INSL6: variants seen among roughly 807,000 people sequenced by gnomAD.
INSL6 encodes the protein insulin-like peptide INSL6.
INSL6 carries 16 observed loss-of-function variants against 9.4 expected under a neutral mutation model. The observed-to-expected ratio is 1.70, with a 90% CI of 1.15 to 2.59. The LOEUF is 2.59. Ranked by LOEUF, INSL6 falls within the 30% of genes most tolerant of loss-of-function variation. The pLI is 0.00. For synonymous variants in INSL6, 154 were observed against 96.9 expected (o/e 1.59, Z -3.46); for missense variants, 391 against 257.3 (o/e 1.52, Z -3.56).
the INSL6 span, chr9:5,085,301 T>C: frequency 1.1e-5 from 8 of 727,864 alleles, no homozygotes; most frequent in South Asian, 1.1e-4. Flanking sequence ...GAACATGAGG[T>C]GAAGTCGAAT....
chr9:5,131,902 A>C (rs1824299638), intron 3 of INSL6: 1 of 152,160 alleles, frequency 6.6e-6, no homozygotes, highest in Non-Finnish European at 1.5e-5. Flanking sequence ...ATTTCCCACA[A>C]ATTCTGCCAG....
At chr9:5,137,766 T>C (rs200157931) in intron 2 of INSL6, among the ~76,000 whole-genome samples, 5 of 152,112 alleles carry the variant, frequency 3.3e-5, no homozygotes, top group South Asian at 2.1e-4. Context: ...AGAGCTTCTG[T>C]ACAGCAAAAG....
chr9:5,040,249 C>T, the INSL6 span, among the ~76,000 whole-genome samples: 65 of 150,994 alleles, frequency 4.3e-4, no homozygotes, highest in African/African-American at 1.6e-3. Context: ...TGGATATCCA[C>T]ATGTAAACTA....
At chr9:5,048,498 T>A in the INSL6 span, among the ~76,000 whole-genome samples, 1 of 152,144 alleles carries the variant, frequency 6.6e-6, no homozygotes, top group Non-Finnish European at 1.5e-5. Context: ...TACCAAGTCA[T>A]TGATCATCTT....
At chr9:5,041,616 A>G in the INSL6 span, 3 of 496,036 alleles carry the variant, frequency 6.0e-6, no homozygotes, top group Admixed American at 4.8e-5. Context: ...CTGTGACTAC[A>G]TGCGGCGCCT....
chr9:5,175,290 C>T (rs1274052965), intron 1 of INSL6, among the ~76,000 whole-genome samples: 2 of 152,062 alleles, frequency 1.3e-5, no homozygotes, highest in African/African-American at 4.8e-5. Flanking sequence ...AAATATGGCC[C>T]GTGTATAACT....
At chr9:5,133,164 G>T (rs1824323972) in intron 3 of INSL6, among the ~76,000 whole-genome samples, 1 of 150,464 alleles carries the variant, frequency 6.6e-6, no homozygotes, top group South Asian at 2.1e-4. Context: ...TGATATTAGA[G>T]TGTCATGGTA....
the INSL6 span, chr9:5,112,465 C>G: frequency 5.5e-6 from 3 of 543,486 alleles, no homozygotes; most frequent in South Asian, 4.7e-5. Flanking sequence ...GAAGGACCCC[C>G]GGGACCGGAC....
At chr9:5,070,522 A>G in the INSL6 span, among the ~76,000 whole-genome samples, 1 of 152,100 alleles carries the variant, frequency 6.6e-6, no homozygotes, top group Admixed American at 6.6e-5. Flanking sequence ...CTCTATATAC[A>G]TGGGTTTTGC....
At chr9:5,079,876 G>A in the INSL6 span, among the ~76,000 whole-genome samples, 2 of 152,056 alleles carry the variant, frequency 1.3e-5, no homozygotes, top group African/African-American at 4.8e-5. Context: ...TGAGAAAATG[G>A]TATGCCAGTT....
chr9:5,025,216 T>C, the INSL6 span, among the ~76,000 whole-genome samples: 2 of 152,218 alleles, frequency 1.3e-5, no homozygotes, highest in African/African-American at 2.4e-5. Context: ...TGTTACTCTT[T>C]TACTTTTCTA....
At chr9:5,155,468 A>C (rs1291889398) in intron 2 of INSL6, among the ~76,000 whole-genome samples, 1 of 151,750 alleles carries the variant, frequency 6.6e-6, no homozygotes, top group African/African-American at 2.4e-5. Flanking sequence ...TAAAACTTAA[A>C]GTATAATTTA....
At chr9:5,035,228 G>C in the INSL6 span, among the ~76,000 whole-genome samples, 1 of 152,194 alleles carries the variant, frequency 6.6e-6, no homozygotes, top group Non-Finnish European at 1.5e-5. Context: ...CTCTGAAATT[G>C]AGGCAATAAT....
At chr9:5,116,588 T>C in the INSL6 span, among the ~76,000 whole-genome samples, 1 of 152,184 alleles carries the variant, frequency 6.6e-6, no homozygotes, top group East Asian at 1.9e-4. Context: ...TCAAAAAATA[T>C]TAGTTATATG....
At chr9:5,166,798 C>T (rs900392639) in intron 1 of INSL6, among the ~76,000 whole-genome samples, 1 of 152,150 alleles carries the variant, frequency 6.6e-6, no homozygotes, top group East Asian at 1.9e-4. Flanking sequence ...TTTTATGAAG[C>T]TGGCATAATC....
the INSL6 span, among the ~76,000 whole-genome samples, chr9:5,103,033 C>G: frequency 1.4e-4 from 21 of 151,760 alleles, no homozygotes; most frequent in Admixed American, 6.6e-5. Context: ...GGTTCAAATT[C>G]ACACATAACA....
intron 1 of INSL6, among the ~76,000 whole-genome samples, chr9:5,172,847 G>A (rs1246764438): frequency 6.6e-6 from 1 of 151,878 alleles, no homozygotes; most frequent in African/African-American, 2.4e-5. Context: ...AGAATTGCTT[G>A]AACCCAGGAG....
downstream of INSL6, among the ~76,000 whole-genome samples, chr9:5,120,729 GGAGACT>G (rs1400643814): frequency 6.6e-6 from 1 of 152,142 alleles, no homozygotes; most frequent in African/African-American, 2.4e-5. Flanking sequence ...CAATGGGTTA[GGAGACT>G]GATTGGAGAT....
the INSL6 span, chr9:5,029,743 T>C: frequency 6.4e-7 from 1 of 1,562,836 alleles, no homozygotes; most frequent in Non-Finnish European, 8.7e-7. Context: ...AATATTCTGT[T>C]GTGTACCTTT....
Sources: gnomAD v4.1 joint callset for allele counts (sites outside exome capture counted in the v4.1 genomes callset) on GRCh38, gnomAD v4.1.1 for gene constraint, MANE v1.5 for transcripts, NCBI Gene and HGNC (gene_info 2026-07-23, HGNC 2026-07-21) for gene names.